The following SPTLC3 variants were observed in gnomAD, a reference collection of about 807,000 sequenced individuals.
SPTLC3 encodes the protein serine palmitoyltransferase long chain base subunit 3, also known as serine palmitoyltransferase 3.
SPTLC3 carries 36 observed loss-of-function variants against 59.3 expected under a neutral mutation model. The observed-to-expected ratio is 0.61, with a 90% CI of 0.47 to 0.80. The LOEUF (loss-of-function observed/expected upper bound fraction) is 0.80, where lower values mean the gene tolerates loss of function less well. Among genes scored for constraint, SPTLC3 ranks in the 30% least tolerant of loss-of-function variants. The probability of loss-of-function intolerance (pLI) is 0.00; values close to 1 mark genes in which losing one functional copy is unlikely to be tolerated. For missense variants in SPTLC3, 625 were observed against 685.1 expected, an observed-to-expected ratio of 0.91 and a Z score of 0.98; for synonymous variants, 257 against 240.8, an observed-to-expected ratio of 1.07 and a Z score of -0.62.
chr20:13,088,479 C>T (rs185690549), intron 4 of SPTLC3, among the ~76,000 whole-genome samples: 31 of 152,102 alleles, frequency 2.0e-4, no homozygotes, highest in Admixed American at 1.1e-3. Context: ...GGACTACAGG[C>T]GCCCGCCACC....
intron 1 of SPTLC3, among the ~76,000 whole-genome samples, chr20:13,036,772 A>G (rs1299617850): frequency 6.6e-6 from 1 of 152,118 alleles, no homozygotes; most frequent in Admixed American, 6.6e-5. Context: ...ATCAGTGTGT[A>G]CTAGATAGCC....
intron 6 of SPTLC3, among the ~76,000 whole-genome samples, chr20:13,096,308 AT>A (rs1422971508): frequency 2.0e-5 from 3 of 152,182 alleles, no homozygotes; most frequent in African/African-American, 7.2e-5. Flanking sequence ...GTGTGTGTCC[AT>A]TAAAAGTCTT....
Position 13,117,628 on chromosome 20 carries a change from C to T in SPTLC3, c.1055C>T (p.Thr352Met), listed in dbSNP as rs200043425. The T allele has an allele frequency of 1.4e-4, 221 of 1,613,942 alleles. No homozygotes were observed. Among genetic ancestry groups the T allele is most frequent in the Non-Finnish European group, 1.7e-4 (206 of 1,179,970 alleles). Residue 352 changes from threonine (T) to methionine (M), a missense_variant, in exon 8 of 12, where the codon ACG (threonine) becomes ATG (methionine). Physicochemically the swap from Thr to Met is moderately conservative, Grantham distance 81. Transcript: ENST00000399002. The stretch of plus-strand genomic sequence containing the variant: ...GTGGGCCCAACCGGCCGGGGTGTCA[C>T]GGAGTTCTTTGGACTAGACCCTCAT... Reference protein sequence around the residue: ...GAVGPTGRGVTEFFGLDPHEV... With the variant: ...GAVGPTGRGVMEFFGLDPHEV...
intron 9 of SPTLC3, among the ~76,000 whole-genome samples, chr20:13,141,260 C>T (rs769788392): frequency 3.3e-5 from 5 of 152,200 alleles, no homozygotes; most frequent in African/African-American, 9.6e-5. Flanking sequence ...CTACACTATC[C>T]ATTCACATCC....
chr20:13,059,094 T>C (rs1987844345), intron 2 of SPTLC3, among the ~76,000 whole-genome samples: 1 of 152,182 alleles, frequency 6.6e-6, no homozygotes, highest in African/African-American at 2.4e-5. Context: ...ATTTTGGCCT[T>C]GACCAGGTCA....
chr20:13,074,543 A>T (rs780625574), intron 4 of SPTLC3, 46 bp downstream of exon 4: 31 of 1,568,514 alleles, frequency 2.0e-5, no homozygotes, highest in Admixed American at 5.2e-5. Flanking sequence ...TAGGTCTCAG[A>T]TTCCTTGTGT....
rs1266194787 is a variant in SPTLC3 at position 13,166,718 on chromosome 20, T to G, written c.*1851T>G. 1 of 152,212 alleles carries G rather than the reference T, an allele frequency of 6.6e-6. No homozygotes were observed. The highest frequency in any genetic ancestry group is 1.5e-5 in the Non-Finnish European group (1 of 68,044). 9.4% of individuals were successfully genotyped at this position (152,212 alleles called of 1,614,324 possible). On this transcript the variant is annotated 3_prime_UTR_variant, in exon 12 of 12. Coordinates refer to ENST00000399002, the MANE Select transcript of SPTLC3 (RefSeq NM_018327.4). ...GTCAAAAAGACAGCGAGATATCTAG[T>G]CCTTCCACAAGGTATGGAAAGCAAT...
Position 13,072,260 on chromosome 20 carries a change from T to C in SPTLC3, c.308T>C (p.Phe103Ser). 1 of 1,610,880 alleles carries C rather than the reference T, an allele frequency of 6.2e-7. No homozygotes were observed. Among genetic ancestry groups the C allele is most frequent in the Non-Finnish European group, 8.5e-7 (1 of 1,179,032 alleles). The stretch of plus-strand genomic sequence containing the variant: ...CTTCTACCTCTGTTCTAACAGGATT[T>C]TGTGCCACTGTATCAAGACTTTGAA... The part of the protein sequence containing the change: ...AAVERKEQKD[F>S]VPLYQDFENF... Residue 103 changes from phenylalanine (F) to serine (S), a missense_variant, in exon 3 of 12, where the codon TTT becomes TCT. Phe to Ser is a radical substitution (Grantham distance 155). Transcript: ENST00000399002.
intron 9 of SPTLC3, among the ~76,000 whole-genome samples, chr20:13,144,938 C>A (rs529841660): frequency 5.3e-5 from 8 of 152,250 alleles, no homozygotes; most frequent in Non-Finnish European, 1.2e-4. Flanking sequence ...CCACGCCCAG[C>A]TAATTTTTTT....
intron 2 of SPTLC3, among the ~76,000 whole-genome samples, chr20:13,051,576 G>A (rs984072130): frequency 1.2e-4 from 18 of 152,110 alleles, no homozygotes; most frequent in African/African-American, 4.1e-4. Context: ...ACTATACCTT[G>A]GAACAAATGG....
At chr20:13,026,634 T>A (rs187951497) in intron 1 of SPTLC3, among the ~76,000 whole-genome samples, 4 of 152,228 alleles carry the variant, frequency 2.6e-5, no homozygotes, top group Non-Finnish European at 1.5e-5. Flanking sequence ...ACAAACTGAA[T>A]AGTAGAGTAT....
chr20:13,025,849 A>G (rs1236943250), intron 1 of SPTLC3, among the ~76,000 whole-genome samples: 1 of 152,074 alleles, frequency 6.6e-6, no homozygotes, highest in Non-Finnish European at 1.5e-5. Flanking sequence ...TCAAGCACCC[A>G]TTAGTTATTT....
intron 4 of SPTLC3, among the ~76,000 whole-genome samples, chr20:13,080,433 G>C (rs543910456): frequency 6.7e-6 from 1 of 148,474 alleles, no homozygotes; most frequent in Non-Finnish European, 1.5e-5. Context: ...GCTTGAACCC[G>C]GGAGTCAGAG....
chr20:13,094,833 A>G (rs1989357029), intron 6 of SPTLC3, among the ~76,000 whole-genome samples: 1 of 152,214 alleles, frequency 6.6e-6, no homozygotes, highest in African/African-American at 2.4e-5. Context: ...GTTCAGGACC[A>G]GACCTTCCAG....
chr20:13,062,634 CT>C (rs1013505740), intron 2 of SPTLC3, among the ~76,000 whole-genome samples: 17 of 152,060 alleles, frequency 1.1e-4, no homozygotes, highest in African/African-American at 4.1e-4. Context: ...ATTATTTTAT[CT>C]TTGTGCATGC....
intron 10 of SPTLC3, among the ~76,000 whole-genome samples, chr20:13,158,657 C>A (rs1176225864): frequency 6.6e-6 from 1 of 152,182 alleles, no homozygotes; most frequent in Non-Finnish European, 1.5e-5. Context: ...GCTTTCTCAG[C>A]TAGAAAGCTT....
At chr20:13,136,142 G>A (rs1287615496) in intron 9 of SPTLC3, among the ~76,000 whole-genome samples, 2 of 152,056 alleles carry the variant, frequency 1.3e-5, no homozygotes, top group African/African-American at 4.8e-5. Context: ...AGTCACACAT[G>A]TCCCTCTCTG....
intron 9 of SPTLC3, among the ~76,000 whole-genome samples, chr20:13,132,137 C>G (rs1209359648): frequency 6.6e-6 from 1 of 151,740 alleles, no homozygotes; most frequent in Non-Finnish European, 1.5e-5. Flanking sequence ...ATAGCAAATC[C>G]TCCTGTCCCT....
chr20:13,058,452 A>T (rs1726161705), intron 2 of SPTLC3, among the ~76,000 whole-genome samples: 1 of 152,162 alleles, frequency 6.6e-6, no homozygotes, highest in Non-Finnish European at 1.5e-5. Flanking sequence ...GAAATATTAG[A>T]CCAGTGCTTT....
Sources: gnomAD v4.1 joint callset for allele counts (sites outside exome capture counted in the v4.1 genomes callset) on GRCh38, gnomAD v4.1.1 for gene constraint, MANE v1.5 for transcripts, NCBI Gene and HGNC (gene_info 2026-07-23, HGNC 2026-07-21) for gene names.